HIF3A: variants seen among roughly 807,000 people sequenced by gnomAD.
HIF3A encodes the protein hypoxia-inducible factor 3-alpha.
HIF3A carries 41 observed loss-of-function variants against 67.2 expected under a neutral mutation model. The ratio of observed to expected loss-of-function variants is 0.61; its 90% confidence interval spans 0.48 to 0.79. The LOEUF (loss-of-function observed/expected upper bound fraction) is 0.79, where lower values mean the gene tolerates loss of function less well. Among genes scored for constraint, HIF3A ranks in the 30% least tolerant of loss-of-function variants. The pLI is 0.00. For synonymous variants in HIF3A, 356 were observed against 374.8 expected, an observed-to-expected ratio of 0.95 and a Z score of 0.58; for missense variants, 855 against 898.0, an observed-to-expected ratio of 0.95 and a Z score of 0.61.
chr19:46,312,020 C>T (rs554233383), intron 6 of HIF3A, 141 bp from the exon 7 acceptor site: 4 of 781,320 alleles, frequency 5.1e-6, no homozygotes, highest in Non-Finnish European at 9.4e-6. Flanking sequence ...TGTTCTGTTT[C>T]TTACTCCTTT....
chr19:46,297,236 C>T lies in HIF3A; in HGVS notation c.26+134C>T, dbSNP rs1967932607. The T allele has an allele frequency of 4.0e-6, 2 of 499,732 alleles. No individual in the cohort carries two copies. The highest frequency in any genetic ancestry group is 3.6e-5 in the Admixed American group (1 of 27,452). 31.0% of individuals were successfully genotyped at this position (499,732 alleles called of 1,614,324 possible). A position where few individuals can be genotyped will look rare whatever the true frequency, so the allele number is the denominator to read the frequency against. On this transcript the variant is annotated intron_variant, in intron 1 of 14. Transcript: ENST00000377670. This position sits in a 1 kb window ranked among gnomAD's most constrained non-coding sequence, Gnocchi z 4.5. ...GCCCCGGGGCGCGCAGTTGGAGGCACATCCCCACCGCACTCTCCACCCTTA... is the reference window on the plus strand; with the variant it reads ...GCCCCGGGGCGCGCAGTTGGAGGCATATCCCCACCGCACTCTCCACCCTTA...
Position 46,329,305 on chromosome 19 carries a change from C to A in HIF3A, c.1539C>A (p.His513Gln). Residue 513 changes from histidine (H) to glutamine (Q), a missense_variant, in exon 12 of 15, where the codon CAC becomes CAA. By Grantham distance (24) the His-to-Gln change is conservative (BLOSUM62 0). Coordinates refer to ENST00000377670, the MANE Select transcript of HIF3A (RefSeq NM_152795.4). The part of the protein sequence containing the change: ...NASEQLPRAY[H>Q]RPLGAVPRPR... ...GCGAGCAGCTACCCAGGGCCTACCA[C>A]AGACCTCTGGGGGCTGTCCCCCGGC... is the stretch of plus-strand genomic sequence containing the variant. 1 of 1,613,430 alleles carries A rather than the reference C, an allele frequency of 6.2e-7. No individual in the cohort carries two copies. The highest frequency in any genetic ancestry group is 8.5e-7 in the Non-Finnish European group (1 of 1,179,994).
At chr19:46,331,692 C>G (rs1971240087) in intron 13 of HIF3A, among the ~76,000 whole-genome samples, 1 of 151,396 alleles carries the variant, frequency 6.6e-6, no homozygotes, top group Admixed American at 6.6e-5. Flanking sequence ...CCCGTCTCTA[C>G]TAAAAATACA....
intron 14 of HIF3A, among the ~76,000 whole-genome samples, chr19:46,335,851 A>G (rs1971569569): frequency 6.6e-6 from 1 of 151,868 alleles, no homozygotes; most frequent in South Asian, 2.1e-4. Context: ...CCAGCCTGGG[A>G]AACATGGCAA....
In HIF3A at chr19:46,303,721, A is replaced by T. The variant is rs2075143; in HGVS notation, c.27-177A>T. On this transcript the variant is annotated intron_variant, in intron 1 of 14. Coordinates refer to ENST00000377670, the MANE Select transcript of HIF3A (RefSeq NM_152795.4). ...AGGGCTAGGAAGGGCTCCACAGTGTAGCCCTTCCAGGCCCAGGGAGCGCCG... is the reference window on the plus strand; with the variant it reads ...AGGGCTAGGAAGGGCTCCACAGTGTTGCCCTTCCAGGCCCAGGGAGCGCCG... 19 of 1,558,228 alleles carry T rather than the reference A, an allele frequency of 1.2e-5. No individual in the cohort carries two copies. In the East Asian group the frequency reaches 4.1e-4, roughly 34 times the overall value.
At chr19:46,300,407 T>C (rs1968222510) in intron 1 of HIF3A, among the ~76,000 whole-genome samples, 1 of 152,162 alleles carries the variant, frequency 6.6e-6, no homozygotes, top group Admixed American at 6.5e-5. Flanking sequence ...ATGCCTGTAA[T>C]CCCAACATTT....
At chr19:46,331,515 A>C (rs1971221549) in intron 13 of HIF3A, 2 of 41,452 alleles carry the variant, frequency 4.8e-5, no homozygotes, top group Admixed American at 4.1e-4. Flanking sequence ...GACCTTGTCA[A>C]AAAAAAAAAA....
intron 14 of HIF3A, among the ~76,000 whole-genome samples, chr19:46,337,899 A>G (rs1411120307): frequency 2.6e-5 from 4 of 152,094 alleles, no homozygotes; most frequent in Non-Finnish European, 5.9e-5. Context: ...TGGGTATGAG[A>G]CCTTCAAGGG....
chr19:46,333,352 TG>T (rs774221132), intron 13 of HIF3A, among the ~76,000 whole-genome samples: 18 of 151,612 alleles, frequency 1.2e-4, no homozygotes, highest in African/African-American at 4.4e-4. Context: ...GGGCACAGCA[TG>T]GGAAGTGGGC....
intron 3 of HIF3A, among the ~76,000 whole-genome samples, chr19:46,307,995 C>CAGATAGATAGATAGAT (rs1340207081): frequency 3.7e-5 from 1 of 26,872 alleles, no homozygotes; most frequent in African/African-American, 1.0e-4. Context: ...GACAGACAGA[C>CAGATAGATAGATAGAT]AGACAGATAG....
chr19:46,330,264 C>G lies in HIF3A; in HGVS notation c.1712+786C>G, dbSNP rs1232123810. Among the ~76,000 whole-genome samples the G allele has an allele frequency of 7.2e-5, 11 of 152,154 alleles. No homozygotes were observed. The East Asian group carries it at 1.9e-3, about 27-fold the overall frequency. On this transcript the variant is annotated intron_variant, in intron 12 of 14. Coordinates refer to ENST00000377670, the MANE Select transcript of HIF3A (RefSeq NM_152795.4). ...GAATTATTAATGAATATAGTTGGCACTTTAATGGGTGGACAGGTGGATGGA... is the reference window on the plus strand; with the variant it reads ...GAATTATTAATGAATATAGTTGGCAGTTTAATGGGTGGACAGGTGGATGGA...
rs1601232976 is a variant in HIF3A at position 46,308,773 on chromosome 19, A to G, written c.559A>G (p.Lys187Glu). The G allele has an allele frequency of 6.3e-7, 1 of 1,596,166 alleles. No individual in the cohort carries two copies. Among genetic ancestry groups the G allele is most frequent in the Non-Finnish European group, 8.6e-7 (1 of 1,169,098 alleles). Residue 187 changes from lysine to glutamate, a missense_variant and splice_region_variant, in exon 5 of 15, where the codon AAG (lysine) becomes GAG (glutamate). Lys to Glu is a moderately conservative substitution (Grantham distance 56). This residue lies in a region of HIF3A where 638 missense variants were observed against 660.5 expected (regional missense o/e 0.97). Coordinates refer to ENST00000377670, the MANE Select transcript of HIF3A (RefSeq NM_152795.4). ...RTLNLKAATW[K>E]VLNCSGHMRA... ...CCTCAACCTCAAGGCGGCCACCTGGAAGGTGCGTGGGGCCGGGCCAGAGGA... is the reference window on the plus strand; with the variant it reads ...CCTCAACCTCAAGGCGGCCACCTGGGAGGTGCGTGGGGCCGGGCCAGAGGA...
At chr19:46,300,726 T>G (rs76429245) in intron 1 of HIF3A, among the ~76,000 whole-genome samples, 3,711 of 152,060 alleles carry the variant, frequency 0.024, 70 homozygotes, top group Non-Finnish European at 0.039. Flanking sequence ...TTATAAGTAG[T>G]GGAGTTGATA....
At chr19:46,338,558 G>T in intron 14 of HIF3A, 1 of 1,103,670 alleles carries the variant, frequency 9.1e-7, no homozygotes, top group Non-Finnish European at 1.1e-6. Flanking sequence ...TGAGTATCCT[G>T]GTTTCCCAAG....
chr19:46,298,005 C>G (rs1328670903), intron 1 of HIF3A, among the ~76,000 whole-genome samples: 4 of 152,144 alleles, frequency 2.6e-5, no homozygotes. Flanking sequence ...GCAGGTGCAG[C>G]TCTGCTGGAA....
rs569096305 is a variant in HIF3A, at chr19:46,305,015, A to C, written c.218-230A>C. 9 of 661,136 alleles carry C rather than the reference A, an allele frequency of 1.4e-5. No individual in the cohort carries two copies. In the South Asian group the frequency reaches 1.4e-4, roughly 10 times the overall value. 41.0% of individuals were successfully genotyped at this position (661,136 alleles called of 1,614,324 possible). A position where few individuals can be genotyped will look rare whatever the true frequency, so the allele number is the denominator to read the frequency against. ...AATTCTGTTCCCTTGGGAGACTCCT[A>C]CTTCCTTAGAATTCTGCCACCCTGG... On this transcript the variant is annotated intron_variant, in intron 2 of 14. Coordinates refer to ENST00000377670, the MANE Select transcript of HIF3A (RefSeq NM_152795.4).
chr19:46,325,667 C>G, intron 11 of HIF3A, 28 bp downstream of exon 11: 1 of 1,461,830 alleles, frequency 6.8e-7, no homozygotes, highest in Non-Finnish European at 9.6e-7. Flanking sequence ...AGGGAGTAAT[C>G]CTCAGCCCTG....
chr19:46,318,210 A>C lies in HIF3A; in HGVS notation c.1026-2233A>C, dbSNP rs559263002. On this transcript the variant is annotated intron_variant, in intron 8 of 14. Coordinates refer to ENST00000377670, the MANE Select transcript of HIF3A (RefSeq NM_152795.4). ...ATGCCAGCCACATATGTCATTTGGA[A>C]TTTTTTTTTTTTTTCTTTGAGACAG... 9.1e-4 allele frequency among the ~76,000 whole-genome samples: 133 copies of C among 146,590 alleles called. No individual in the cohort carries two copies. In the Middle Eastern group the frequency reaches 0.01, roughly 11 times the overall value.
At chr19:46,301,392 G>A (rs1485927453) in intron 1 of HIF3A, among the ~76,000 whole-genome samples, 1 of 152,114 alleles carries the variant, frequency 6.6e-6, no homozygotes, top group Non-Finnish European at 1.5e-5. Flanking sequence ...GTCCCAAGGA[G>A]GGGATGAGAA....
Sources: gnomAD v4.1 joint callset for allele counts (sites outside exome capture counted in the v4.1 genomes callset) on GRCh38, gnomAD v4.1.1 for gene constraint, gnomAD v4.1.1 regional missense constraint, Gnocchi (gnomAD v3.1) non-coding constraint, MANE v1.5 for transcripts, NCBI Gene and HGNC (gene_info 2026-07-23, HGNC 2026-07-21) for gene names.